Variants in PRKG1 observed in about 807,000 individuals in gnomAD.
The protein encoded by PRKG1 is cGMP-dependent protein kinase 1.
Under a neutral mutation model 88.1 loss-of-function variants are expected in PRKG1, and 35 were observed. That is an observed-to-expected ratio of 0.40 (90% CI 0.30 to 0.53). PRKG1 has a LOEUF of 0.53. Among genes scored for constraint, PRKG1 ranks in the 20% least tolerant of loss-of-function variants. The pLI is 0.59. For synonymous variants in PRKG1, 303 were observed against 292.5 expected, an observed-to-expected ratio of 1.04 and a Z score of -0.37; for missense variants, 540 against 839.8, an observed-to-expected ratio of 0.64 and a Z score of 4.41.
At chr10:52,069,696 T>A (rs1375340903) in intron 7 of PRKG1, among the ~76,000 whole-genome samples, 1 of 152,128 alleles carries the variant, frequency 6.6e-6, no homozygotes, top group Non-Finnish European at 1.5e-5. Flanking sequence ...CCCGCGTACT[T>A]CCTCTCCTTC....
chr10:51,901,498 G>A (rs879666758), intron 4 of PRKG1, among the ~76,000 whole-genome samples: 19 of 152,116 alleles, frequency 1.2e-4, no homozygotes, highest in Admixed American at 9.2e-4. Context: ...CATCTGGCAC[G>A]CATTCAACAA....
intron 1 of PRKG1, among the ~76,000 whole-genome samples, chr10:51,061,037 AG>A (rs1327519084): frequency 7.1e-6 from 1 of 140,878 alleles, no homozygotes; most frequent in Non-Finnish European, 1.5e-5. Flanking sequence ...TCATTGTAAC[AG>A]TTTTACTGTG....
At chr10:51,573,572 A>T (rs1413797713) in intron 3 of PRKG1, among the ~76,000 whole-genome samples, 3 of 151,914 alleles carry the variant, frequency 2.0e-5, no homozygotes, top group Non-Finnish European at 4.4e-5. Flanking sequence ...CCAATTTACC[A>T]TGAAGCTAAT....
intron 5 of PRKG1, among the ~76,000 whole-genome samples, chr10:51,939,420 C>A (rs1842859473): frequency 1.3e-5 from 2 of 151,634 alleles, no homozygotes; most frequent in Admixed American, 1.3e-4. Context: ...AAATAAAATC[C>A]ACAATTGATT....
chr10:51,977,202 T>A (rs1843859738), intron 5 of PRKG1, among the ~76,000 whole-genome samples: 1 of 152,032 alleles, frequency 6.6e-6, no homozygotes. Context: ...CATTTATAAG[T>A]GGGAACAAAC....
chr10:51,877,541 C>T (rs1157514798), intron 4 of PRKG1, among the ~76,000 whole-genome samples: 1 of 152,150 alleles, frequency 6.6e-6, no homozygotes, highest in Non-Finnish European at 1.5e-5. Context: ...TTCAAAAGCT[C>T]ATGCTTCCAA....
chr10:51,303,852 A>G (rs1379772621), intron 2 of PRKG1, among the ~76,000 whole-genome samples: 1 of 151,884 alleles, frequency 6.6e-6, no homozygotes, highest in East Asian at 1.9e-4. Context: ...ACAGAGTCTC[A>G]CTCTGTAACC....
chr10:51,289,310 A>G (rs1041027250), intron 2 of PRKG1, among the ~76,000 whole-genome samples: 1 of 152,132 alleles, frequency 6.6e-6, no homozygotes, highest in African/African-American at 2.4e-5. Context: ...ACTGGGAGCC[A>G]TCACCTCTGG....
At chr10:51,674,545 C>T (rs765876401) in intron 3 of PRKG1, among the ~76,000 whole-genome samples, 2 of 152,056 alleles carry the variant, frequency 1.3e-5, no homozygotes, top group South Asian at 4.1e-4. Context: ...AGAAATTTGG[C>T]AGATTCTATT....
At chr10:51,169,559 A>T (rs1015431854) in intron 2 of PRKG1, among the ~76,000 whole-genome samples, 1 of 146,300 alleles carries the variant, frequency 6.8e-6, no homozygotes, top group African/African-American at 2.7e-5. Context: ...GGTAAGCAAC[A>T]TTGGAAGATA....
chr10:52,144,357 A>G (rs1837669920), intron 8 of PRKG1, among the ~76,000 whole-genome samples: 1 of 152,222 alleles, frequency 6.6e-6, no homozygotes, highest in Non-Finnish European at 1.5e-5. Context: ...TTTGGGGGCA[A>G]TAAGAAACCA....
chr10:51,267,429 A>G (rs987695559), intron 2 of PRKG1, among the ~76,000 whole-genome samples: 1 of 152,218 alleles, frequency 6.6e-6, no homozygotes, highest in African/African-American at 2.4e-5. Context: ...GGTGTCTTTC[A>G]GTTTTTACTA....
chr10:52,221,752 G>A lies in PRKG1; in HGVS notation c.1077-29818G>A, dbSNP rs567165425. 8.3e-4 allele frequency among the ~76,000 whole-genome samples: 126 copies of A among 152,276 alleles called. 1 individual carries two copies. Among genetic ancestry groups the A allele is most frequent in the African/African-American group, 2.9e-3 (120 of 41,560 alleles). ...CTAAAACAAGACTTAGAAATCAACT[G>A]CATGTGTGCTACAGGCTTAATATTT... On this transcript the variant is annotated intron_variant, in intron 9 of 17. Coordinates refer to ENST00000373980, the MANE Select transcript of PRKG1 (RefSeq NM_006258.4).
chr10:51,978,859 G>T (rs1162913594), intron 5 of PRKG1, among the ~76,000 whole-genome samples: 1 of 151,916 alleles, frequency 6.6e-6, no homozygotes, highest in African/African-American at 2.4e-5. Flanking sequence ...AGGAGATTTG[G>T]GCTGAGACTA....
chr10:52,201,338 C>T (rs779430836), intron 9 of PRKG1, among the ~76,000 whole-genome samples: 6 of 151,990 alleles, frequency 3.9e-5, no homozygotes, highest in Non-Finnish European at 8.8e-5. Flanking sequence ...TGTTTACATT[C>T]ACGTTGTCGA....
At chr10:51,381,221 C>A in intron 2 of PRKG1, among the ~76,000 whole-genome samples, 1 of 117,756 alleles carries the variant, frequency 8.5e-6, no homozygotes, top group Non-Finnish European at 1.6e-5. Context: ...CATGCCACTG[C>A]ACTCCAGCCT....
At chr10:51,000,507 G>A (rs1842877370) in intron 1 of PRKG1, among the ~76,000 whole-genome samples, 2 of 152,206 alleles carry the variant, frequency 1.3e-5, no homozygotes, top group Admixed American at 6.5e-5. Context: ...ATAAGTAAAT[G>A]TAAGATTCAC....
At chr10:51,496,340 G>A (rs1840853965) in intron 3 of PRKG1, among the ~76,000 whole-genome samples, 1 of 152,090 alleles carries the variant, frequency 6.6e-6, no homozygotes, top group Admixed American at 6.6e-5. Context: ...AGACACGTTG[G>A]GATGATGTGT....
intron 3 of PRKG1, among the ~76,000 whole-genome samples, chr10:51,785,553 G>C (rs987692102): frequency 1.3e-5 from 2 of 152,008 alleles, no homozygotes; most frequent in Non-Finnish European, 2.9e-5. Flanking sequence ...ATTGATTGAC[G>C]TTGAAGATTT....
Sources: gnomAD v4.1 joint callset for allele counts (sites outside exome capture counted in the v4.1 genomes callset) on GRCh38, gnomAD v4.1.1 for gene constraint, MANE v1.5 for transcripts, NCBI Gene and HGNC (gene_info 2026-07-23, HGNC 2026-07-21) for gene names.